Variants in ABCA10 observed in about 807,000 individuals in gnomAD.
The protein encoded by ABCA10 is ATP binding cassette subfamily A member 10.
ABCA10 carries 169 observed loss-of-function variants against 187.5 expected under a neutral mutation model. The observed-to-expected ratio is 0.90, with a 90% CI of 0.80 to 1.02. The LOEUF (loss-of-function observed/expected upper bound fraction) is 1.02. Among genes scored for constraint, ABCA10 ranks in the 50% least tolerant of loss-of-function variants. The pLI, the probability that ABCA10 is intolerant of heterozygous loss-of-function variation, is 0.00. For synonymous variants in ABCA10, 574 were observed against 601.8 expected, an observed-to-expected ratio of 0.95 and a Z score of 0.68; for missense variants, 1,727 against 1,812.4, an observed-to-expected ratio of 0.95 and a Z score of 0.86.
At chr17:69,212,090 C>T (rs894709201) in intron 9 of ABCA10, among the ~76,000 whole-genome samples, 4 of 152,092 alleles carry the variant, frequency 2.6e-5, no homozygotes, top group Admixed American at 6.5e-5. Context: ...TGTGCTCTTT[C>T]AGACTTTTTG....
chr17:69,221,177 T>C (rs144152927), intron 5 of ABCA10, among the ~76,000 whole-genome samples: 82 of 152,194 alleles, frequency 5.4e-4, no homozygotes, highest in Middle Eastern at 3.4e-3. Context: ...GGAAATCAGG[T>C]GAATCTATGT....
upstream of ABCA10, chr17:69,233,249 T>C (rs1341788493): frequency 6.6e-6 from 1 of 152,138 alleles, no homozygotes; most frequent in East Asian, 1.9e-4. Flanking sequence ...TTCTTCACTG[T>C]CTTTTCATTC....
At chr17:69,168,732 T>C (rs537720102) in intron 25 of ABCA10, among the ~76,000 whole-genome samples, 2 of 152,330 alleles carry the variant, frequency 1.3e-5, no homozygotes, top group African/African-American at 2.4e-5. Flanking sequence ...GACTGAGTTA[T>C]GATGGCAGGT....
In ABCA10 at chr17:69,192,748, G is replaced by A. The variant is rs1337610900; in HGVS notation, c.1781-95C>T. The A allele has an allele frequency of 2.9e-6, 3 of 1,050,426 alleles. No individual in the cohort carries two copies. The African/African-American group carries it at 4.8e-5, about 17-fold the overall frequency. 65.1% of individuals were successfully genotyped at this position (1,050,426 alleles called of 1,614,324 possible). ...GATACTAAAACACTGAATGAAATTT[G>A]TAATATCAATACAACTGTAATATCA... On this transcript the variant is annotated intron_variant, in intron 15 of 38. Coordinates refer to ENST00000690296, the MANE Select transcript of ABCA10 (RefSeq NM_001377321.1).
chr17:69,215,176 C>A (rs1280423045), intron 8 of ABCA10, among the ~76,000 whole-genome samples: 3 of 151,786 alleles, frequency 2.0e-5, no homozygotes, highest in Non-Finnish European at 2.9e-5. Context: ...TTGAAGTGGG[C>A]AACATAATTA....
intron 26 of ABCA10, 71 bp downstream of exon 26, chr17:69,164,893 G>A (rs1026686447): frequency 1.5e-5 from 22 of 1,496,154 alleles, no homozygotes; most frequent in African/African-American, 1.4e-4. Context: ...CACCTGTTCC[G>A]ACAATGGGTA....
intron 1 of ABCA10, among the ~76,000 whole-genome samples, chr17:69,235,440 T>C (rs17776943): frequency 0.078 from 11,802 of 152,274 alleles, 569 homozygotes; most frequent in Non-Finnish European, 0.1. Flanking sequence ...TACTTTGTTC[T>C]AACCTCTTGA....
Position 69,225,399 on chromosome 17 carries a change from A to G in ABCA10, c.-41T>C. 1 of 1,607,050 alleles carries G rather than the reference A, an allele frequency of 6.2e-7. No homozygotes were observed. Among genetic ancestry groups the G allele is most frequent in the Non-Finnish European group, 8.5e-7 (1 of 1,174,592 alleles). ...GTTACTGACTGGTGTATATGCCACTACCAGGCCAGAGTCATTAAACTGATC... is the reference window on the plus strand; with the variant it reads ...GTTACTGACTGGTGTATATGCCACTGCCAGGCCAGAGTCATTAAACTGATC... On this transcript the variant is annotated 5_prime_UTR_variant, in exon 3 of 39. An upstream open reading frame in the 5' UTR loses its in-frame stop. Coordinates refer to ENST00000690296, the MANE Select transcript of ABCA10 (RefSeq NM_001377321.1).
chr17:69,207,044 G>A (rs1168665047), intron 9 of ABCA10, among the ~76,000 whole-genome samples: 1 of 151,996 alleles, frequency 6.6e-6, no homozygotes, highest in Non-Finnish European at 1.5e-5. Context: ...AAACTCAATA[G>A]TAAGAAAAAA....
chr17:69,193,965 T>C lies in ABCA10; in HGVS notation c.1370A>G (p.Gln457Arg). 2 of 1,604,016 alleles carry C rather than the reference T, an allele frequency of 1.2e-6. No homozygotes were observed. The highest frequency in any genetic ancestry group is 8.5e-7 in the Non-Finnish European group (1 of 1,176,676). Residue 457 changes from glutamine to arginine, a missense_variant, in exon 13 of 39, where the codon CAA (glutamine) becomes CGA (arginine). Transcript: ENST00000690296. The stretch of plus-strand genomic sequence containing the variant: ...TTCCATGTCAGTTATTTCAGAGAGT[T>C]GAGTATTATAAATAGTGGCTGATCC... ...TEGSATIYNTQLSEITDMEEI... is the reference protein window; with the variant it reads ...TEGSATIYNTRLSEITDMEEI...
chr17:69,185,895 T>C (rs2074417655), intron 19 of ABCA10, among the ~76,000 whole-genome samples: 1 of 152,156 alleles, frequency 6.6e-6, no homozygotes, highest in African/African-American at 2.4e-5. Context: ...GGCAATCCTC[T>C]GCAGGTATGC....
chr17:69,200,756 G>A (rs2074537316), intron 10 of ABCA10, among the ~76,000 whole-genome samples: 1 of 152,196 alleles, frequency 6.6e-6, no homozygotes, highest in Non-Finnish European at 1.5e-5. Flanking sequence ...CTGTCGCCCA[G>A]GCTGGAGTGC....
chr17:69,153,779 T>C, intron 32 of ABCA10, 52 bp downstream of exon 32: 1 of 1,548,776 alleles, frequency 6.5e-7, no homozygotes, highest in Non-Finnish European at 8.7e-7. Flanking sequence ...AATGAAGAAA[T>C]GACATATTTT....
At chr17:69,216,413 G>C in intron 6 of ABCA10, 55 bp from the exon 7 acceptor site, 1 of 1,536,478 alleles carries the variant, frequency 6.5e-7, no homozygotes, top group South Asian at 1.3e-5. Flanking sequence ...TGTTTGGAGA[G>C]GTAATGTGCG....
At chr17:69,164,812 A>T in intron 26 of ABCA10, 152 bp downstream of exon 26, 1 of 1,050,496 alleles carries the variant, frequency 9.5e-7, no homozygotes, top group Non-Finnish European at 1.3e-6. Flanking sequence ...GACAGCTTTC[A>T]ATTTTATACA....
Position 69,216,270 on chromosome 17 carries a change from G to A in ABCA10, c.619C>T (p.His207Tyr). The A allele has an allele frequency of 6.2e-7, 1 of 1,613,608 alleles. No homozygotes were observed. The highest frequency in any genetic ancestry group is 8.5e-7 in the Non-Finnish European group (1 of 1,179,724). The change falls in exon 7 of 39, where the codon CAT (histidine) becomes TAT (tyrosine). Residue 207 changes from histidine to tyrosine, a missense_variant. Transcript: ENST00000690296. ...LVITSIPIVFHTGFMVIFTLY... is the reference protein window; with the variant it reads ...LVITSIPIVFYTGFMVIFTLY... ...GTGAATATCACCATGAAGCCAGTATGAAATACAATTGGGATTGATGTTATG... is the reference window on the plus strand; with the variant it reads ...GTGAATATCACCATGAAGCCAGTATAAAATACAATTGGGATTGATGTTATG...
intron 9 of ABCA10, among the ~76,000 whole-genome samples, chr17:69,212,289 A>T (rs995865826): frequency 6.6e-6 from 1 of 152,100 alleles, no homozygotes; most frequent in African/African-American, 2.4e-5. Flanking sequence ...CATGGTTCTG[A>T]GGGCTCCTTT....
chr17:69,229,299 A>T (rs572493650), upstream of ABCA10, among the ~76,000 whole-genome samples: 2 of 152,066 alleles, frequency 1.3e-5, no homozygotes, highest in Non-Finnish European at 2.9e-5. Flanking sequence ...TGAAGCCAAC[A>T]GATGAGTCCA....
chr17:69,201,554 G>C lies in ABCA10; in HGVS notation c.1121C>G (p.Ser374Cys), dbSNP rs770077240. Reference sequence around the variant, plus strand: ...AGACACCGGTTCAAAAGAATCATCAGAGGAATGCTCAGGATTTATTTCATT... The same window carrying C: ...AGACACCGGTTCAAAAGAATCATCACAGGAATGCTCAGGATTTATTTCATT... ...FENEINPEHS[S>C]DDSFEPVSPE... Residue 374 changes from serine (S) to cysteine (C), a missense_variant, in exon 10 of 39, where the codon TCT becomes TGT. By Grantham distance (112) the Ser-to-Cys change is moderately radical. Transcript: ENST00000690296. 1 of 1,610,846 alleles carries C rather than the reference G, an allele frequency of 6.2e-7. No individual in the cohort carries two copies. Among genetic ancestry groups the C allele is most frequent in the East Asian group, 2.2e-5 (1 of 44,722 alleles).
Sources: gnomAD v4.1 joint callset for allele counts (sites outside exome capture counted in the v4.1 genomes callset) on GRCh38, gnomAD v4.1.1 for gene constraint, MANE v1.5 for transcripts, NCBI Gene and HGNC (gene_info 2026-07-23, HGNC 2026-07-21) for gene names.